The following BDH1 variants were observed in gnomAD, a reference collection of about 807,000 sequenced individuals.
The protein encoded by BDH1 is D-beta-hydroxybutyrate dehydrogenase, mitochondrial.
In BDH1, 30 loss-of-function variants were observed where a neutral mutation model predicts 33.1. The ratio of observed to expected loss-of-function variants is 0.91; its 90% CI spans 0.68 to 1.23. BDH1 has a LOEUF of 1.23. Among genes scored for constraint, BDH1 ranks in the 50% most tolerant of loss-of-function variants. The probability of loss-of-function intolerance (pLI) is 0.00; values close to 1 mark genes in which losing one functional copy is unlikely to be tolerated. For synonymous variants in BDH1, 190 were observed against 183.6 expected (o/e 1.03, Z -0.28); for missense variants, 443 against 464.4 (o/e 0.95, Z 0.42).
At chr3:197,532,247 T>C (rs1212583925) in intron 5 of BDH1, among the ~76,000 whole-genome samples, 165 bp downstream of exon 5, 1 of 152,116 alleles carries the variant, frequency 6.6e-6, no homozygotes, top group Non-Finnish European at 1.5e-5. Context: ...GCATGGATGA[T>C]GGATGGACAA....
chr3:197,567,546 T>A (rs1717473011), intron 1 of BDH1, among the ~76,000 whole-genome samples: 1 of 152,226 alleles, frequency 6.6e-6, no homozygotes, highest in Non-Finnish European at 1.5e-5. Flanking sequence ...ATTTTACATA[T>A]GTTGATTGCT....
intron 3 of BDH1, among the ~76,000 whole-genome samples, chr3:197,545,626 G>T (rs1246567970): frequency 6.6e-6 from 1 of 152,198 alleles, no homozygotes; most frequent in African/African-American, 2.4e-5. Flanking sequence ...ACCAGAAAAA[G>T]GTCCATCAGC....
chr3:197,511,034 C>T lies in BDH1; in HGVS notation c.*861G>A, dbSNP rs1711967237. On this transcript the variant is annotated 3_prime_UTR_variant, in exon 8 of 8. Coordinates refer to ENST00000392379, the MANE Select transcript of BDH1 (RefSeq NM_203314.3). ...TTGAAGTCGGGAGTTCGGGACCAGC[C>T]TAGCCAACATGGTGAAACCCCATCT... is the stretch of plus-strand genomic sequence containing the variant. 6.6e-6 allele frequency: 1 copy of T among 152,268 alleles called. No individual in the cohort carries two copies. Among genetic ancestry groups the T allele is most frequent in the Admixed American group, 6.5e-5 (1 of 15,278 alleles). The allele number at this position is 152,268 out of a possible 1,614,324, so 9.4% of individuals were successfully genotyped here. A position where few individuals can be genotyped will look rare whatever the true frequency, so the allele number is the denominator to read the frequency against.
intron 1 of BDH1, among the ~76,000 whole-genome samples, chr3:197,564,203 A>C (rs992325198): frequency 2.6e-5 from 4 of 152,010 alleles, no homozygotes; most frequent in Non-Finnish European, 5.9e-5. Context: ...TGTATGGTAA[A>C]TTTAGTCCTA....
intron 1 of BDH1, among the ~76,000 whole-genome samples, chr3:197,565,545 C>A (rs1717407461): frequency 6.6e-6 from 1 of 152,014 alleles, no homozygotes; most frequent in Admixed American, 6.6e-5. Context: ...TGGTGTTTGG[C>A]TTTCTTTGGG....
chr3:197,540,678 A>G (rs1435999036), intron 3 of BDH1, among the ~76,000 whole-genome samples: 1 of 152,068 alleles, frequency 6.6e-6, no homozygotes, highest in Admixed American at 6.6e-5. Context: ...AACAAAAACA[A>G]AACAAAACAA....
intron 3 of BDH1, chr3:197,538,474 C>T (rs1447028713): frequency 2.3e-6 from 1 of 437,610 alleles, no homozygotes; most frequent in Non-Finnish European, 4.6e-6. Flanking sequence ...GCCTCAGCCT[C>T]CTGAGTAGCC....
At position 197,512,201 on chromosome 3, in the gene BDH1, G is replaced by A. The variant is rs1712123062; in HGVS notation, c.726C>T (p.Ile242=). The A allele has an allele frequency of 3.3e-5, 54 of 1,614,016 alleles. No individual in the cohort carries two copies. Among genetic ancestry groups the A allele is most frequent in the Non-Finnish European group, 4.3e-5 (51 of 1,180,034 alleles). ...KVSVVEPGNF[I]AATSLYSPES... The stretch of plus-strand genomic sequence containing the variant: ...CAGGGCTGTAAAGGCTGGTGGCAGC[G>A]ATGAAGTTGCCGGGCTCCACCACGC... Residue 242 remains isoleucine, a synonymous_variant, in exon 8 of 8, where the codon ATC becomes ATT. Transcript: ENST00000392379.
intron 2 of BDH1, among the ~76,000 whole-genome samples, chr3:197,548,865 CAA>C (rs201793920): frequency 3.8e-5 from 5 of 131,966 alleles, no homozygotes; most frequent in African/African-American, 7.8e-5. Flanking sequence ...ACAAAAATAA[CAA>C]AAAAAAACAA....
intron 3 of BDH1, 76 bp downstream of exon 3, chr3:197,546,285 A>T: frequency 7.0e-7 from 1 of 1,435,488 alleles, no homozygotes; most frequent in Non-Finnish European, 9.8e-7. Flanking sequence ...ATCACCGCCT[A>T]CACTGTCCAT....
chr3:197,559,795 G>C (rs1333086443), upstream of BDH1, among the ~76,000 whole-genome samples: 2 of 152,252 alleles, frequency 1.3e-5, no homozygotes, highest in Non-Finnish European at 2.9e-5. Flanking sequence ...ACTGGGTTAA[G>C]GGGTCAGACA....
At chr3:197,545,906 G>A (rs1242707100) in intron 3 of BDH1, among the ~76,000 whole-genome samples, 1 of 152,226 alleles carries the variant, frequency 6.6e-6, no homozygotes, top group Non-Finnish European at 1.5e-5. Flanking sequence ...GGAGGCCAAG[G>A]CGGGTGGATC....
chr3:197,523,012 G>A lies in BDH1; in HGVS notation c.268-231C>T, dbSNP rs1713722736. The A allele has an allele frequency of 2.0e-6, 1 of 509,584 alleles. No individual in the cohort carries two copies. The highest frequency in any genetic ancestry group is 3.7e-5 in the Admixed American group (1 of 26,860). 31.6% of individuals were successfully genotyped at this position (509,584 alleles called of 1,614,324 possible). A position where few individuals can be genotyped will look rare whatever the true frequency, so the allele number is the denominator to read the frequency against. Reference sequence around the variant, plus strand: ...CAGACACAACCATGAATAGGATGAAGAGCCGGCCCCCAAGGCCTCAAGACA... The same window carrying A: ...CAGACACAACCATGAATAGGATGAAAAGCCGGCCCCCAAGGCCTCAAGACA... On this transcript the variant is annotated intron_variant, in intron 5 of 7. Coordinates refer to ENST00000392379, the MANE Select transcript of BDH1 (RefSeq NM_203314.3). This position sits in a 1 kb window ranked among gnomAD's most constrained non-coding sequence, Gnocchi z 4.5.
At position 197,511,655 on chromosome 3, in the gene BDH1, T is replaced by G; in HGVS notation, c.*240A>C. ...ATGAAATTATCTCCGGAGAGATAGA[T>G]TCACCATGTTTGCCCTGAGATTTAG... On this transcript the variant is annotated 3_prime_UTR_variant, in exon 8 of 8. Coordinates refer to ENST00000392379, the MANE Select transcript of BDH1 (RefSeq NM_203314.3). The G allele has an allele frequency of 2.2e-6, 1 of 449,206 alleles. No individual in the cohort carries two copies. 27.8% of individuals were successfully genotyped at this position (449,206 alleles called of 1,614,324 possible). A position where few individuals can be genotyped will look rare whatever the true frequency, so the allele number is the denominator to read the frequency against.
chr3:197,514,409 C>T lies in BDH1; in HGVS notation c.417G>A (p.Trp139Ter), dbSNP rs1324022950. 1.2e-6 allele frequency: 2 copies of T among 1,607,530 alleles called. No homozygotes were observed. Among genetic ancestry groups the T allele is most frequent in the African/African-American group, 1.3e-5 (1 of 74,880 alleles). Reference sequence around the variant, plus strand: ...AGATGCCGGCATTGTTAACGAGGCCCCACATGCCTGGACAGGAGAGGGATA... The same window carrying T: ...AGATGCCGGCATTGTTAACGAGGCCTCACATGCCTGGACAGGAGAGGGATA... ...SSLKDPEKGM[W>*]GLVNNAGIST... The change falls in exon 7 of 8, where the codon TGG becomes TGA. Residue 139 changes from tryptophan to a stop codon, truncating the protein, a stop_gained. Transcript: ENST00000392379. LOFTEE classifies it high-confidence loss of function. This position sits in a 1 kb window ranked among gnomAD's most constrained non-coding sequence, Gnocchi z 4.2.
chr3:197,548,793 G>A (rs1716304946), intron 2 of BDH1, among the ~76,000 whole-genome samples: 1 of 152,078 alleles, frequency 6.6e-6, no homozygotes, highest in Non-Finnish European at 1.5e-5. Flanking sequence ...GGAGGTTGCA[G>A]TGAGCTGAGA....
chr3:197,533,610 C>T (rs1190766511), intron 3 of BDH1, 49 bp from the exon 4 acceptor site: 6 of 1,575,278 alleles, frequency 3.8e-6, no homozygotes, highest in Non-Finnish European at 5.2e-6. Flanking sequence ...TAGACAGACC[C>T]TCAGCCACAC....
chr3:197,572,037 C>CTATA (rs1238922829), intron 1 of BDH1, among the ~76,000 whole-genome samples: 3 of 152,202 alleles, frequency 2.0e-5, no homozygotes, highest in Non-Finnish European at 1.5e-5. Flanking sequence ...CATCAGTGCC[C>CTATA]TATACAAAGG....
intron 1 of BDH1, among the ~76,000 whole-genome samples, chr3:197,564,952 C>T (rs946702697): frequency 1.2e-4 from 18 of 152,158 alleles, no homozygotes; most frequent in South Asian, 4.2e-4. Flanking sequence ...GATAGAGTTT[C>T]GCTCTTGTTG....
Sources: gnomAD v4.1 joint callset for allele counts (sites outside exome capture counted in the v4.1 genomes callset) on GRCh38, gnomAD v4.1.1 for gene constraint, Gnocchi (gnomAD v3.1) non-coding constraint, MANE v1.5 for transcripts, NCBI Gene and HGNC (gene_info 2026-07-23, HGNC 2026-07-21) for gene names.